ARMC2: variants seen among roughly 807,000 people sequenced by gnomAD.
ARMC2 encodes the protein armadillo repeat containing 2.
Under a neutral mutation model 90.3 loss-of-function variants are expected in ARMC2, and 67 were observed. That is an observed-to-expected ratio of 0.74 (90% CI 0.61 to 0.91). The LOEUF (loss-of-function observed/expected upper bound fraction) is 0.91. Ranked by LOEUF, ARMC2 falls within the 40% of genes least tolerant of loss-of-function variation. The probability of loss-of-function intolerance (pLI) is 0.00; values close to 1 mark genes in which losing one functional copy is unlikely to be tolerated. For synonymous variants in ARMC2, 393 were observed against 393.0 expected, an observed-to-expected ratio of 1.00 and a Z score of 0.00; for missense variants, 920 against 1,030.9, an observed-to-expected ratio of 0.89 and a Z score of 1.47.
chr6:108,937,873 C>T (rs543039106), intron 12 of ARMC2, among the ~76,000 whole-genome samples: 54 of 151,170 alleles, frequency 3.6e-4, no homozygotes, highest in African/African-American at 1.0e-3. Context: ...TGTTTTTGTA[C>T]TTTTAGTAGA....
the ARMC2 span, chr6:108,986,370 G>GTAGA: frequency 0.058 from 8,835 of 152,612 alleles, 516 homozygotes; most frequent in African/African-American, 0.15. Context: ...GCTTATGAAA[G>GTAGA]TAGATAGAAA....
intron 3 of ARMC2, among the ~76,000 whole-genome samples, chr6:108,862,691 G>T (rs1184046661): frequency 6.6e-6 from 1 of 152,168 alleles, no homozygotes; most frequent in African/African-American, 2.4e-5. Flanking sequence ...GATAACTGGA[G>T]AGAGAGGGAG....
At chr6:109,040,665 T>TTC in the ARMC2 span, among the ~76,000 whole-genome samples, 1 of 151,974 alleles carries the variant, frequency 6.6e-6, no homozygotes, top group Non-Finnish European at 1.5e-5. Flanking sequence ...ATCTTTTTTT[T>TTC]TTTTTTTGAG....
At chr6:108,907,587 G>C (rs1006183032) in intron 8 of ARMC2, 3 of 1,533,848 alleles carry the variant, frequency 2.0e-6, no homozygotes, top group South Asian at 1.1e-5. Context: ...CGTGGGGTGG[G>C]GGGGTGCAGA....
At chr6:108,887,886 GA>G (rs1306389869) in intron 5 of ARMC2, among the ~76,000 whole-genome samples, 2 of 152,168 alleles carry the variant, frequency 1.3e-5, no homozygotes, top group African/African-American at 4.8e-5. Flanking sequence ...TGATAGGCAG[GA>G]ATGCTTTGCC....
rs1018547674 is a variant in ARMC2 at position 108,848,437 on chromosome 6, T to A, written c.-153T>A. 6.6e-6 allele frequency: 1 copy of A among 152,248 alleles called. No individual in the cohort carries two copies. The highest frequency in any genetic ancestry group is 6.5e-5 in the Admixed American group (1 of 15,284). The allele number at this position is 152,248 out of a possible 1,614,324, so 9.4% of individuals were successfully genotyped here. On this transcript the variant is annotated 5_prime_UTR_variant, in exon 1 of 18. Coordinates refer to ENST00000392644, the MANE Select transcript of ARMC2 (RefSeq NM_032131.6). ...GCGCAGGCCCAGTGGCCGAGCGGCGTCGTGGGGTTACCCCGCCCGCGCCAG... is the reference window on the plus strand; with the variant it reads ...GCGCAGGCCCAGTGGCCGAGCGGCGACGTGGGGTTACCCCGCCCGCGCCAG...
At chr6:109,052,341 AAAGTG>A in the ARMC2 span, among the ~76,000 whole-genome samples, 1 of 152,318 alleles carries the variant, frequency 6.6e-6, no homozygotes, top group South Asian at 2.1e-4. Context: ...TTTTACTGTA[AAAGTG>A]AAGACTATAT....
Position 108,956,787 on chromosome 6 carries a change from T to C in ARMC2, c.1915+3436T>C, listed in dbSNP as rs147266221. On this transcript the variant is annotated intron_variant, in intron 13 of 17. Transcript: ENST00000392644. ...TGGGCAGATCACTTGAGGTCAGGAG[T>C]TCAAGACCAGCCTGGCCAACATGGC... Among the ~76,000 whole-genome samples the C allele has an allele frequency of 2.0e-5, 3 of 151,808 alleles. No homozygotes were observed. In the East Asian group the frequency reaches 5.8e-4, roughly 29 times the overall value.
rs186962043 is a variant in ARMC2, at chr6:108,913,328, G to T, written c.1350+770G>T. Among the ~76,000 whole-genome samples the T allele has an allele frequency of 2.8e-3, 419 of 152,288 alleles. 1 individual carries two copies. The highest frequency in any genetic ancestry group is 4.8e-3 in the Non-Finnish European group (324 of 68,026). ...GCACACTAAGCCATTGGGAAACTGT[G>T]TTAAAAATTAGATTTAGGCCCTGCC... On this transcript the variant is annotated intron_variant, in intron 10 of 17. Coordinates refer to ENST00000392644, the MANE Select transcript of ARMC2 (RefSeq NM_032131.6).
chr6:108,961,157 G>A (rs891755515), intron 13 of ARMC2, among the ~76,000 whole-genome samples: 4 of 152,174 alleles, frequency 2.6e-5, no homozygotes, highest in African/African-American at 9.7e-5. Context: ...GGGCCGTTCT[G>A]TTGGGAGGCG....
intron 8 of ARMC2, among the ~76,000 whole-genome samples, chr6:108,906,894 A>C (rs1387073081): frequency 6.6e-6 from 1 of 152,222 alleles, no homozygotes; most frequent in Non-Finnish European, 1.5e-5. Context: ...ACCAAAGGAG[A>C]TAATGAGAAC....
the ARMC2 span, among the ~76,000 whole-genome samples, chr6:108,979,794 T>C: frequency 1.3e-5 from 2 of 151,828 alleles, no homozygotes; most frequent in African/African-American, 4.8e-5. Flanking sequence ...TGGCTATTGA[T>C]ACTTGTGTAT....
chr6:108,952,290 G>A (rs967800375), intron 12 of ARMC2, among the ~76,000 whole-genome samples: 5 of 152,186 alleles, frequency 3.3e-5, no homozygotes, highest in African/African-American at 1.2e-4. Context: ...CTTAGGGTTT[G>A]TAAAAACATT....
At chr6:109,011,569 T>C in the ARMC2 span, among the ~76,000 whole-genome samples, 5 of 152,028 alleles carry the variant, frequency 3.3e-5, no homozygotes, top group Non-Finnish European at 7.4e-5. Flanking sequence ...CATAAAAAGG[T>C]TGCCTCCAAA....
chr6:108,884,934 C>A (rs978831940), intron 5 of ARMC2, among the ~76,000 whole-genome samples: 1 of 152,192 alleles, frequency 6.6e-6, no homozygotes, highest in Non-Finnish European at 1.5e-5. Flanking sequence ...CACTGGTTAA[C>A]ACAGTAGCAT....
chr6:108,917,006 G>GCTA (rs1774032239), intron 10 of ARMC2, among the ~76,000 whole-genome samples: 1 of 152,156 alleles, frequency 6.6e-6, no homozygotes, highest in Non-Finnish European at 1.5e-5. Context: ...TACATTAACA[G>GCTA]CTAGGTAATT....
At chr6:109,017,788 G>A in the ARMC2 span, among the ~76,000 whole-genome samples, 1 of 152,164 alleles carries the variant, frequency 6.6e-6, no homozygotes, top group South Asian at 2.1e-4. Flanking sequence ...CTCTCTAGTT[G>A]TAATCCCTTT....
Position 108,912,435 on chromosome 6 carries a change from A to C in ARMC2, c.1227A>C (p.Gly409=). Residue 409 remains glycine, a synonymous_variant, in exon 10 of 18, where the codon GGA becomes GGC. Transcript: ENST00000392644. The part of the protein sequence containing the change: ...GSIKFISGNL[G]FLNEMISKGA... ...TAAAGTTCATTTCTGGAAATCTGGG[A>C]TTTCTTAATGAAATGATCAGCAAAG... 6.2e-7 allele frequency: 1 copy of C among 1,613,770 alleles called. No homozygotes were observed. Among genetic ancestry groups the C allele is most frequent in the South Asian group, 1.1e-5 (1 of 91,076 alleles).
chr6:109,045,060 C>A, the ARMC2 span, among the ~76,000 whole-genome samples: 3 of 151,968 alleles, frequency 2.0e-5, no homozygotes, highest in African/African-American at 4.8e-5. Context: ...CTTCCCCAAA[C>A]CCATTGCACT....
Sources: allele counts gnomAD v4.1 joint callset (sites outside exome capture counted in the v4.1 genomes callset), GRCh38; gene constraint gnomAD v4.1.1; transcripts MANE v1.5; gene names NCBI Gene and HGNC (gene_info 2026-07-23, HGNC 2026-07-21).